The following FGF10 variants were observed in gnomAD, a reference collection of about 807,000 sequenced individuals.
FGF10 encodes fibroblast growth factor 10, also known as FGF-10.
A neutral mutation model predicts 19.8 loss-of-function variants in FGF10; 2 were observed. The observed-to-expected ratio is 0.10, with a 90% CI of 0.04 to 0.32. FGF10 has a LOEUF of 0.32. Among genes scored for constraint, FGF10 ranks in the 10% least tolerant of loss-of-function variants. The pLI, the probability that FGF10 is intolerant of heterozygous loss-of-function variation, is 1.00. For missense variants in FGF10, 191 were observed against 246.3 expected, an observed-to-expected ratio of 0.78 and a Z score of 1.50; for synonymous variants, 112 against 94.0, an observed-to-expected ratio of 1.19 and a Z score of -1.10.
chr5:44,386,434 T>TTTG (rs961080903), intron 1 of FGF10, among the ~76,000 whole-genome samples: 15 of 152,198 alleles, frequency 9.9e-5, no homozygotes, highest in Admixed American at 5.9e-4. Context: ...ATCAGAATTT[T>TTTG]TTGTTGTTGT....
At position 44,388,330 on chromosome 5, in the gene FGF10, A is replaced by G. The variant is rs1360644054; in HGVS notation, c.325+28T>C. 25 of 1,602,928 alleles carry G rather than the reference A, an allele frequency of 1.6e-5. No homozygotes were observed. In the East Asian group the frequency reaches 5.6e-4, roughly 36 times the overall value. On this transcript the variant is annotated intron_variant, in intron 1 of 2. Transcript: ENST00000264664. ...TGTGGGCTGGGGGTGGATAATTGGA[A>G]GGAGGGGAGCATGCATTTGTTACTT...
At position 44,378,462 on chromosome 5, in the gene FGF10, C is replaced by T. The variant is rs184777986; in HGVS notation, c.325+9896G>A. 2.6e-5 allele frequency among the ~76,000 whole-genome samples: 4 copies of T among 152,294 alleles called. No homozygotes were observed. The East Asian group carries it at 5.8e-4, about 22-fold the overall frequency. ...GTAGTTCTATTTTGAGACAGAGTCTCGCTCTGTCGCCCAGGCTGGAGTGCT... is the reference window on the plus strand; with the variant it reads ...GTAGTTCTATTTTGAGACAGAGTCTTGCTCTGTCGCCCAGGCTGGAGTGCT... On this transcript the variant is annotated intron_variant, in intron 1 of 2. Coordinates refer to ENST00000264664, the MANE Select transcript of FGF10 (RefSeq NM_004465.2).
At chr5:44,305,755 T>C (rs1740062943) in intron 2 of FGF10, among the ~76,000 whole-genome samples, 3 of 152,124 alleles carry the variant, frequency 2.0e-5, no homozygotes. Flanking sequence ...AAATATCAAA[T>C]TTCTTAATTT....
Position 44,302,866 on chromosome 5 carries a change from A to C in FGF10, c.*2129T>G, listed in dbSNP as rs1739995224. Reference sequence around the variant, plus strand: ...TCCAGTTTGTGCCCTGTTTGCTGTTACTGTGGTCATCCAATGTGTATTTGT... The same window carrying C: ...TCCAGTTTGTGCCCTGTTTGCTGTTCCTGTGGTCATCCAATGTGTATTTGT... On this transcript the variant is annotated 3_prime_UTR_variant, in exon 3 of 3. Coordinates refer to ENST00000264664, the MANE Select transcript of FGF10 (RefSeq NM_004465.2). Among the ~76,000 whole-genome samples, 1 of 152,146 alleles carries C rather than the reference A, an allele frequency of 6.6e-6. No homozygotes were observed. Among genetic ancestry groups the C allele is most frequent in the African/African-American group, 2.4e-5 (1 of 41,442 alleles).
At chr5:44,323,005 C>T (rs1486935147) in intron 1 of FGF10, among the ~76,000 whole-genome samples, 1 of 152,032 alleles carries the variant, frequency 6.6e-6, no homozygotes, top group African/African-American at 2.4e-5. Context: ...ACTGCTATAA[C>T]TTATAATATT....
At chr5:44,307,290 T>A (rs1007317499) in intron 2 of FGF10, among the ~76,000 whole-genome samples, 4 of 152,116 alleles carry the variant, frequency 2.6e-5, no homozygotes, top group Admixed American at 1.3e-4. Flanking sequence ...CATAAGCAGT[T>A]ATGTATAAAA....
rs970150987 is a variant in FGF10, at chr5:44,374,605, G to A, written c.325+13753C>T. Among the ~76,000 whole-genome samples the A allele has an allele frequency of 2.6e-5, 4 of 152,272 alleles. No individual in the cohort carries two copies. In the East Asian group the frequency reaches 7.7e-4, roughly 29 times the overall value. On this transcript the variant is annotated intron_variant, in intron 1 of 2. Coordinates refer to ENST00000264664, the MANE Select transcript of FGF10 (RefSeq NM_004465.2). Reference sequence around the variant, plus strand: ...GTAAATGACCTGCTTAAGATCCACAGTAAATGTTTTGACACAGACAAGACC... The same window carrying A: ...GTAAATGACCTGCTTAAGATCCACAATAAATGTTTTGACACAGACAAGACC...
At position 44,355,449 on chromosome 5, in the gene FGF10, C is replaced by T. The variant is rs550926246; in HGVS notation, c.325+32909G>A. Reference sequence around the variant, plus strand: ...AGTAGAACAGAGAGCTTATAGAGGACTCTGAGTATGCATATATATTTCTAT... The same window carrying T: ...AGTAGAACAGAGAGCTTATAGAGGATTCTGAGTATGCATATATATTTCTAT... On this transcript the variant is annotated intron_variant, in intron 1 of 2. Coordinates refer to ENST00000264664, the MANE Select transcript of FGF10 (RefSeq NM_004465.2). Among the ~76,000 whole-genome samples, 120 of 151,112 alleles carry T rather than the reference C, an allele frequency of 7.9e-4. 2 individuals are homozygous for T. The highest frequency in any genetic ancestry group is 2.7e-3 in the African/African-American group (113 of 41,340).
chr5:44,325,581 T>C (rs2111741189), intron 1 of FGF10, among the ~76,000 whole-genome samples: 1 of 152,318 alleles, frequency 6.6e-6, no homozygotes, highest in South Asian at 2.1e-4. Flanking sequence ...TCATGTCCTT[T>C]GTAGGGACAT....
chr5:44,349,459 T>TATCAGA (rs1741182528), intron 1 of FGF10, among the ~76,000 whole-genome samples: 2 of 31,728 alleles, frequency 6.3e-5, no homozygotes, highest in Admixed American at 2.7e-4. Flanking sequence ...TATATATATA[T>TATCAGA]ATATATATAT....
intron 1 of FGF10, among the ~76,000 whole-genome samples, chr5:44,386,234 T>A (rs1421453865): frequency 6.6e-6 from 1 of 152,164 alleles, no homozygotes; most frequent in African/African-American, 2.4e-5. Context: ...ACGTGATTAT[T>A]ATTCTAGAAA....
intron 1 of FGF10, among the ~76,000 whole-genome samples, chr5:44,335,284 C>T (rs528283050): frequency 3.3e-5 from 5 of 152,154 alleles, no homozygotes; most frequent in African/African-American, 1.2e-4. Context: ...CCTACTCTCC[C>T]TTCCCTTCCC....
intron 1 of FGF10, among the ~76,000 whole-genome samples, chr5:44,385,634 A>C (rs1174732363): frequency 6.6e-6 from 1 of 152,186 alleles, no homozygotes; most frequent in Non-Finnish European, 1.5e-5. Context: ...AATGTTACTG[A>C]AATGTGGTTT....
At chr5:44,363,083 T>C (rs556733287) in intron 1 of FGF10, among the ~76,000 whole-genome samples, 177 of 151,898 alleles carry the variant, frequency 1.2e-3, no homozygotes, top group African/African-American at 4.2e-3. Flanking sequence ...TACAACAATA[T>C]CAATTTTCCT....
intron 1 of FGF10, among the ~76,000 whole-genome samples, chr5:44,343,293 G>A (rs1301154487): frequency 6.6e-6 from 1 of 151,804 alleles, no homozygotes; most frequent in African/African-American, 2.4e-5. Flanking sequence ...ACTTATCTTG[G>A]ATCCCTTAAG....
At chr5:44,306,031 C>T (rs1740068694) in intron 2 of FGF10, among the ~76,000 whole-genome samples, 1 of 152,150 alleles carries the variant, frequency 6.6e-6, no homozygotes, top group East Asian at 1.9e-4. Flanking sequence ...TTCGCTCTCA[C>T]TCACTCCACA....
At chr5:44,361,434 C>G (rs907495393) in intron 1 of FGF10, among the ~76,000 whole-genome samples, 3 of 151,586 alleles carry the variant, frequency 2.0e-5, no homozygotes, top group African/African-American at 7.3e-5. Context: ...GCCTGACAGT[C>G]CAGTCTCTAA....
intron 1 of FGF10, among the ~76,000 whole-genome samples, chr5:44,359,424 C>A (rs12517396): frequency 0.041 from 6,216 of 151,452 alleles, 298 homozygotes; most frequent in East Asian, 0.12. Context: ...AGGAAAATCA[C>A]TGAATCTCAA....
intron 1 of FGF10, among the ~76,000 whole-genome samples, chr5:44,363,203 C>T (rs879436333): frequency 2.6e-5 from 4 of 151,768 alleles, no homozygotes; most frequent in African/African-American, 9.7e-5. Flanking sequence ...ACTGAATTCA[C>T]CGTTAATACA....
Sources: gnomAD v4.1 joint callset for allele counts (sites outside exome capture counted in the v4.1 genomes callset) on GRCh38, gnomAD v4.1.1 for gene constraint, MANE v1.5 for transcripts, NCBI Gene and HGNC (gene_info 2026-07-23, HGNC 2026-07-21) for gene names.